IGF1R: variants seen among roughly 807,000 people sequenced by gnomAD.
IGF1R encodes insulin like growth factor 1 receptor, also known as insulin-like growth factor 1 receptor.
A neutral mutation model predicts 144.6 loss-of-function variants in IGF1R; 44 were observed. That is an observed-to-expected ratio of 0.30 (90% CI 0.24 to 0.39). The LOEUF (loss-of-function observed/expected upper bound fraction) is 0.39. IGF1R is among the 10% of genes least tolerant of loss of function. IGF1R has a pLI of 1.00. For missense variants in IGF1R, 1,355 were observed against 1,833.7 expected (o/e 0.74, Z 4.77); for synonymous variants, 795 against 722.8 (o/e 1.10, Z -1.60).
rs1400029230 is a variant in IGF1R, at chr15:98,773,610, C to T, written c.640+65503C>T. ...TCTTATCTGCACTGCATAGCAGCCA[C>T]ACATTTTGAGTGAAATTAACCCCAA... is the stretch of plus-strand genomic sequence containing the variant. On this transcript the variant is annotated intron_variant, in intron 2 of 20. Coordinates refer to ENST00000650285, the MANE Select transcript of IGF1R (RefSeq NM_000875.5). 2.0e-5 allele frequency among the ~76,000 whole-genome samples: 3 copies of T among 152,180 alleles called. 1 individual carries two copies. Among genetic ancestry groups the T allele is most frequent in the South Asian group, 4.1e-4 (2 of 4,836 alleles).
chr15:98,827,945 C>T (rs2056925696), intron 2 of IGF1R, among the ~76,000 whole-genome samples: 1 of 152,194 alleles, frequency 6.6e-6, no homozygotes, highest in African/African-American at 2.4e-5. Context: ...TTTTCTCCCA[C>T]ACCTGTCCCG....
At position 98,960,045 on chromosome 15, in the gene IGF1R, T is replaced by C. The variant is rs889940093; in HGVS notation, c.*2603T>C. On this transcript the variant is annotated 3_prime_UTR_variant, in exon 21 of 21. Transcript: ENST00000650285. The stretch of plus-strand genomic sequence containing the variant: ...AGTTCTTGATTTTTTGGGTTTTTTT[T>C]CCCCCAAACATTTATCTACCTCACT... The C allele has an allele frequency of 2.1e-5, 5 of 233,332 alleles. No homozygotes were observed. The highest frequency in any genetic ancestry group is 6.0e-5 in the East Asian group (1 of 16,584). The allele number at this position is 233,332 out of a possible 1,614,324, so 14.5% of individuals were successfully genotyped here.
At chr15:98,858,088 T>G (rs939112399) in intron 2 of IGF1R, among the ~76,000 whole-genome samples, 3 of 152,206 alleles carry the variant, frequency 2.0e-5, no homozygotes, top group African/African-American at 7.2e-5. Context: ...GGAAAATGAT[T>G]AAGAGAAAAC....
rs978865451 is a variant in IGF1R, at chr15:98,958,252, C to T, written c.*810C>T. ...GGAACTGGACACAATAGGTCTTTCT[C>T]TCAGTGAAGGTGGGGAGAAGCTGAA... On this transcript the variant is annotated 3_prime_UTR_variant, in exon 21 of 21. Coordinates refer to ENST00000650285, the MANE Select transcript of IGF1R (RefSeq NM_000875.5). 2.2e-5 allele frequency: 5 copies of T among 231,526 alleles called. No individual in the cohort carries two copies. The highest frequency in any genetic ancestry group is 1.1e-4 in the African/African-American group (5 of 45,206). 14.3% of individuals were successfully genotyped at this position (231,526 alleles called of 1,614,324 possible).
In IGF1R at chr15:98,707,410, G is replaced by C; in HGVS notation, c.95-152G>C. On this transcript the variant is annotated intron_variant, in intron 1 of 20. Transcript: ENST00000650285. The surrounding 1 kb of genome is among the most constrained non-coding windows in gnomAD (Gnocchi z 6.7). ...AACTGGTTAGCCACCTAAACTGTCA[G>C]TCTGCAACCCACAGCTCTGCAGTGA... 1.2e-6 allele frequency: 1 copy of C among 823,926 alleles called. No individual in the cohort carries two copies. Among genetic ancestry groups the C allele is most frequent in the South Asian group, 1.5e-5 (1 of 65,138 alleles). The allele number at this position is 823,926 out of a possible 1,614,324, so 51.0% of individuals were successfully genotyped here.
At chr15:98,750,685 T>G (rs932845625) in intron 2 of IGF1R, among the ~76,000 whole-genome samples, 12 of 152,142 alleles carry the variant, frequency 7.9e-5, no homozygotes, top group African/African-American at 2.9e-4. Flanking sequence ...CTAAAACTAT[T>G]CAGGGTTAAA....
chr15:98,695,769 C>G (rs1180005745), intron 1 of IGF1R, among the ~76,000 whole-genome samples: 1 of 152,166 alleles, frequency 6.6e-6, no homozygotes, highest in African/African-American at 2.4e-5. Context: ...CTGTGTTGAT[C>G]TAAGTTCTCT....
At chr15:98,830,670 C>A in intron 2 of IGF1R, among the ~76,000 whole-genome samples, 1 of 147,522 alleles carries the variant, frequency 6.8e-6, no homozygotes, top group East Asian at 2.0e-4. Flanking sequence ...GTGGCGCCAT[C>A]TTGGCTCACT....
intron 15 of IGF1R, among the ~76,000 whole-genome samples, chr15:98,933,394 AGTGCAGTG>A (rs1410185421): frequency 1.3e-5 from 2 of 151,614 alleles, no homozygotes; most frequent in Non-Finnish European, 2.9e-5. Flanking sequence ...CCCAGGCTGG[AGTGCAGTG>A]GTGCAGTCTC....
At chr15:98,696,026 CTTT>C (rs11306652) in intron 1 of IGF1R, among the ~76,000 whole-genome samples, 30 of 115,624 alleles carry the variant, frequency 2.6e-4, no homozygotes, top group Non-Finnish European at 2.6e-4. Context: ...ACTTTTTCTT[CTTT>C]TTTTTTTTTT....
chr15:98,660,055 G>C (rs879387621), intron 1 of IGF1R, among the ~76,000 whole-genome samples: 3 of 152,182 alleles, frequency 2.0e-5, no homozygotes, highest in African/African-American at 4.8e-5. Context: ...ATATATAGCT[G>C]GTTATTCAGT....
intron 3 of IGF1R, 114 bp from the exon 4 acceptor site, chr15:98,896,643 C>T (rs1289096647): frequency 8.8e-7 from 1 of 1,138,096 alleles, no homozygotes; most frequent in Admixed American, 2.0e-5. Flanking sequence ...AAAACAGTTG[C>T]TTTTTCTAAT....
intron 2 of IGF1R, among the ~76,000 whole-genome samples, chr15:98,850,144 A>G (rs1312045556): frequency 6.6e-6 from 1 of 152,212 alleles, no homozygotes; most frequent in Non-Finnish European, 1.5e-5. Context: ...TCACTGAGGG[A>G]ATAAGTAAGT....
At chr15:98,900,943 CA>C (rs901829600) in intron 5 of IGF1R, among the ~76,000 whole-genome samples, 10 of 152,178 alleles carry the variant, frequency 6.6e-5, no homozygotes, top group African/African-American at 2.4e-4. Flanking sequence ...CTAGACTAAG[CA>C]AATGATAGAC....
chr15:98,871,176 C>T (rs2012765812), intron 2 of IGF1R, among the ~76,000 whole-genome samples: 1 of 152,238 alleles, frequency 6.6e-6, no homozygotes, highest in African/African-American at 2.4e-5. Context: ...GATATTTAGA[C>T]CCAGCTCTCA....
In IGF1R at chr15:98,956,950, G is replaced by A. The variant is rs545094851; in HGVS notation, c.3723-111G>A. 19 of 1,243,318 alleles carry A rather than the reference G, an allele frequency of 1.5e-5. 1 individual carries two copies. The Admixed American group carries it at 2.7e-4, about 18-fold the overall frequency. 77.0% of individuals were successfully genotyped at this position (1,243,318 alleles called of 1,614,324 possible). On this transcript the variant is annotated intron_variant, in intron 20 of 20. Coordinates refer to ENST00000650285, the MANE Select transcript of IGF1R (RefSeq NM_000875.5). ...GAGAGGGGCAGCAGGGCTGTGTTCA[G>A]TGCTCCCGCCGTACGCTTGTATGCG...
intron 5 of IGF1R, among the ~76,000 whole-genome samples, chr15:98,901,679 C>A (rs2014489638): frequency 1.3e-5 from 2 of 152,106 alleles, no homozygotes; most frequent in Middle Eastern, 3.2e-3. Flanking sequence ...CACAGTGATA[C>A]AAGGGAAAGA....
intron 2 of IGF1R, among the ~76,000 whole-genome samples, chr15:98,770,625 G>A (rs564751103): frequency 6.6e-5 from 10 of 152,298 alleles, no homozygotes; most frequent in African/African-American, 1.7e-4. Flanking sequence ...AGACATAGGT[G>A]TAGGCATAGA....
At chr15:98,795,147 A>G (rs1567132765) in intron 2 of IGF1R, among the ~76,000 whole-genome samples, 2 of 145,986 alleles carry the variant, frequency 1.4e-5, no homozygotes, top group Admixed American at 1.4e-4. Context: ...AATATTGACT[A>G]TTGTAGCAGT....
Sources: allele counts gnomAD v4.1 joint callset (sites outside exome capture counted in the v4.1 genomes callset), GRCh38; gene constraint gnomAD v4.1.1; non-coding constraint Gnocchi (gnomAD v3.1); transcripts MANE v1.5; gene names NCBI Gene and HGNC (gene_info 2026-07-23, HGNC 2026-07-21).